Variants in COL24A1 observed in about 807,000 individuals in gnomAD.
COL24A1 encodes the protein collagen alpha-1(XXIV) chain.
COL24A1 carries 224 observed loss-of-function variants against 253.9 expected under a neutral mutation model. The ratio of observed to expected loss-of-function variants is 0.88; its 90% CI spans 0.79 to 0.99. The LOEUF is 0.99. Among genes scored for constraint, COL24A1 ranks in the 50% least tolerant of loss-of-function variants. The probability of loss-of-function intolerance (pLI) is 0.00; values close to 1 mark genes in which losing one functional copy is unlikely to be tolerated. For missense variants in COL24A1, 2,131 were observed against 2,068.5 expected (o/e 1.03, Z -0.59); for synonymous variants, 685 against 673.7 (o/e 1.02, Z -0.26).
intron 24 of COL24A1, among the ~76,000 whole-genome samples, chr1:85,945,725 C>A (rs938232817): frequency 1.3e-5 from 2 of 150,788 alleles, no homozygotes; most frequent in Non-Finnish European, 2.9e-5. Flanking sequence ...TGAAGGGACC[C>A]ACCTTCAGAC....
intron 11 of COL24A1, among the ~76,000 whole-genome samples, chr1:86,049,875 T>C (rs1700174592): frequency 1.3e-5 from 2 of 152,148 alleles, no homozygotes; most frequent in African/African-American, 4.8e-5. Flanking sequence ...GATATTTTAA[T>C]ATTTTGGTGT....
chr1:85,758,144 G>A (rs969214266), intron 55 of COL24A1, among the ~76,000 whole-genome samples: 14 of 152,032 alleles, frequency 9.2e-5, no homozygotes, highest in African/African-American at 3.1e-4. Flanking sequence ...GAAGAGAAGC[G>A]TTATTTTTTC....
At chr1:86,110,342 T>C (rs1387555300) in intron 5 of COL24A1, among the ~76,000 whole-genome samples, 1 of 146,806 alleles carries the variant, frequency 6.8e-6, no homozygotes, top group African/African-American at 2.5e-5. Flanking sequence ...CTTCCATACG[T>C]TTTCCTATGT....
chr1:85,803,289 A>G (rs1671622835), intron 47 of COL24A1, among the ~76,000 whole-genome samples: 1 of 151,932 alleles, frequency 6.6e-6, no homozygotes, highest in Admixed American at 6.6e-5. Flanking sequence ...TTTTAGTTAG[A>G]TATGGTGGCA....
intron 55 of COL24A1, among the ~76,000 whole-genome samples, chr1:85,748,173 C>T (rs1005347290): frequency 2.0e-5 from 3 of 152,112 alleles, no homozygotes; most frequent in Non-Finnish European, 4.4e-5. Context: ...CAGTTGTTTT[C>T]CTTGAAATGG....
At chr1:86,073,201 C>G (rs1701994343) in intron 7 of COL24A1, among the ~76,000 whole-genome samples, 1 of 152,058 alleles carries the variant, frequency 6.6e-6, no homozygotes, top group Non-Finnish European at 1.5e-5. Flanking sequence ...ATGTTCTAAC[C>G]TAATGCAAGG....
intron 24 of COL24A1, among the ~76,000 whole-genome samples, chr1:85,943,058 T>C (rs1053333134): frequency 6.6e-6 from 1 of 152,174 alleles, no homozygotes; most frequent in Non-Finnish European, 1.5e-5. Flanking sequence ...GAGTATCCAA[T>C]CTCTCAGGGC....
intron 37 of COL24A1, among the ~76,000 whole-genome samples, chr1:85,860,246 C>T (rs1210326148): frequency 6.6e-6 from 1 of 152,084 alleles, no homozygotes. Context: ...TTAATGTGTA[C>T]AATTAGATGA....
At chr1:85,988,738 T>A in intron 19 of COL24A1, among the ~76,000 whole-genome samples, 1 of 152,128 alleles carries the variant, frequency 6.6e-6, no homozygotes, top group East Asian at 1.9e-4. Context: ...ACAGCAAAGT[T>A]GTTTCTGGGA....
At chr1:85,959,918 T>C (rs906631840) in intron 24 of COL24A1, among the ~76,000 whole-genome samples, 2 of 152,172 alleles carry the variant, frequency 1.3e-5, no homozygotes, top group African/African-American at 4.8e-5. Flanking sequence ...ATGGCAGAAT[T>C]TGAGTAATCT....
intron 43 of COL24A1, among the ~76,000 whole-genome samples, chr1:85,831,908 T>C (rs1322449266): frequency 6.6e-6 from 1 of 152,088 alleles, no homozygotes; most frequent in Admixed American, 6.6e-5. Flanking sequence ...TTTCTTTTGC[T>C]GTGCAGAAGC....
Position 85,882,554 on chromosome 1 carries a change from G to A in COL24A1, c.2977-5379C>T, listed in dbSNP as rs191448660. 4.2e-4 allele frequency among the ~76,000 whole-genome samples: 64 copies of A among 151,988 alleles called. No individual in the cohort carries two copies. In the East Asian group the frequency reaches 0.012, roughly 28 times the overall value. On this transcript the variant is annotated intron_variant, in intron 32 of 59. Transcript: ENST00000370571. ...CAGAATTTGGTCTATCTTGGTGAGT[G>A]TTCCATGTCAGTTTGTGAAGCATGT...
chr1:86,017,571 A>C (rs958759105), intron 18 of COL24A1, among the ~76,000 whole-genome samples: 3 of 152,170 alleles, frequency 2.0e-5, no homozygotes, highest in Non-Finnish European at 2.9e-5. Flanking sequence ...CCACAGTCCC[A>C]GGGCTGTCTC....
intron 24 of COL24A1, among the ~76,000 whole-genome samples, chr1:85,938,289 T>C (rs1417679628): frequency 6.8e-6 from 1 of 146,900 alleles, no homozygotes; most frequent in Non-Finnish European, 1.5e-5. Context: ...TCCCACAAAA[T>C]GTGAGCTCTG....
At chr1:85,993,303 C>T (rs1276269581) in intron 19 of COL24A1, among the ~76,000 whole-genome samples, 1 of 151,816 alleles carries the variant, frequency 6.6e-6, no homozygotes, top group East Asian at 1.9e-4. Flanking sequence ...AATATATAGT[C>T]CCTCAAGTTA....
chr1:86,085,023 G>A (rs1004667794), intron 7 of COL24A1, among the ~76,000 whole-genome samples: 2 of 152,148 alleles, frequency 1.3e-5, no homozygotes, highest in African/African-American at 2.4e-5. Flanking sequence ...TATAGAGCTG[G>A]CTATAGAACA....
Position 86,022,196 on chromosome 1 carries a change from G to A in COL24A1, c.2256+44C>T, listed in dbSNP as rs767622093. 1.3e-5 allele frequency: 20 copies of A among 1,518,664 alleles called. No homozygotes were observed. In the Middle Eastern group the frequency reaches 5.1e-4, roughly 39 times the overall value. The allele number at this position is 1,518,664 out of a possible 1,614,324, so 94.1% of individuals were successfully genotyped here. A position where few individuals can be genotyped will look rare whatever the true frequency, so the allele number is the denominator to read the frequency against. On this transcript the variant is annotated intron_variant, in intron 18 of 59. Coordinates refer to ENST00000370571, the MANE Select transcript of COL24A1 (RefSeq NM_152890.7). Reference sequence around the variant, plus strand: ...AGTGTCGAGACTCATGCCATGACATGCACTCTGTCAATTACAAAGAGCAAA... The same window carrying A: ...AGTGTCGAGACTCATGCCATGACATACACTCTGTCAATTACAAAGAGCAAA...
intron 24 of COL24A1, among the ~76,000 whole-genome samples, chr1:85,949,116 T>C (rs2100560747): frequency 6.6e-6 from 1 of 152,270 alleles, no homozygotes; most frequent in Middle Eastern, 3.4e-3. Flanking sequence ...ACCCGTTTTG[T>C]TATATTATTC....
chr1:85,795,846 A>G (rs1353671603), intron 47 of COL24A1, among the ~76,000 whole-genome samples: 1 of 152,100 alleles, frequency 6.6e-6, no homozygotes, highest in Non-Finnish European at 1.5e-5. Context: ...AGTTATATAA[A>G]TAATACTTTA....
Sources: gnomAD v4.1 joint callset for allele counts (sites outside exome capture counted in the v4.1 genomes callset) on GRCh38, gnomAD v4.1.1 for gene constraint, MANE v1.5 for transcripts, NCBI Gene and HGNC (gene_info 2026-07-23, HGNC 2026-07-21) for gene names.